TTC27: variants seen among roughly 807,000 people sequenced by gnomAD.
TTC27 encodes the protein tetratricopeptide repeat domain 27.
In TTC27, 79 loss-of-function variants were observed where a neutral mutation model predicts 115.9. That is an observed-to-expected ratio of 0.68 (90% CI 0.57 to 0.82). The LOEUF (loss-of-function observed/expected upper bound fraction) is 0.82, where lower values mean the gene tolerates loss of function less well. TTC27 is among the 40% of genes least tolerant of loss of function. TTC27 has a pLI of 0.00. For synonymous variants in TTC27, 401 were observed against 356.0 expected (o/e 1.13, Z -1.42); for missense variants, 1,054 against 993.1 (o/e 1.06, Z -0.82).
intron 4 of TTC27, among the ~76,000 whole-genome samples, chr2:32,647,639 G>T (rs1664917607): frequency 6.6e-6 from 1 of 152,126 alleles, no homozygotes; most frequent in African/African-American, 2.4e-5. Flanking sequence ...AGTTTAGAAG[G>T]GAACGTCTTA....
intron 16 of TTC27, among the ~76,000 whole-genome samples, chr2:32,791,592 AT>A (rs1221820969): frequency 6.6e-6 from 1 of 152,082 alleles, no homozygotes; most frequent in African/African-American, 2.4e-5. Flanking sequence ...GGCATGTCTT[AT>A]TTTTTTCTTT....
chr2:32,674,864 G>A (rs777180561), intron 8 of TTC27, among the ~76,000 whole-genome samples: 1 of 151,908 alleles, frequency 6.6e-6, no homozygotes, highest in Non-Finnish European at 1.5e-5. Context: ...GGGTTTCACT[G>A]TGTTAGCCAG....
intron 16 of TTC27, among the ~76,000 whole-genome samples, chr2:32,810,114 C>A (rs370447699): frequency 1.6e-3 from 213 of 130,352 alleles, no homozygotes; most frequent in Admixed American, 2.1e-3. Context: ...GACTCTGTCT[C>A]AAAAAAAAAA....
intron 16 of TTC27, among the ~76,000 whole-genome samples, chr2:32,807,634 G>T (rs1489223709): frequency 1.3e-5 from 2 of 152,064 alleles, no homozygotes; most frequent in Non-Finnish European, 2.9e-5. Context: ...ATTATGGGGG[G>T]TTTCTCTTCA....
chr2:32,752,063 TG>T (rs1669037091), intron 12 of TTC27, among the ~76,000 whole-genome samples: 1 of 152,246 alleles, frequency 6.6e-6, no homozygotes, highest in Non-Finnish European at 1.5e-5. Context: ...GTGGCCATGC[TG>T]ATTGCAAATA....
chr2:32,745,701 A>G (rs1200940455), intron 12 of TTC27, among the ~76,000 whole-genome samples: 1 of 152,160 alleles, frequency 6.6e-6, no homozygotes, highest in Non-Finnish European at 1.5e-5. Context: ...AAATATTTTA[A>G]GGATACTTCA....
intron 13 of TTC27, among the ~76,000 whole-genome samples, chr2:32,764,916 G>T (rs1387593518): frequency 6.6e-6 from 1 of 152,082 alleles, no homozygotes; most frequent in African/African-American, 2.4e-5. Flanking sequence ...ACATCTTCAG[G>T]CTCCCTTCTA....
At position 32,702,925 on chromosome 2, in the gene TTC27, G is replaced by C. The variant is rs752062069; in HGVS notation, c.1233+5G>C. ...CGGGCAATGAGGCAGACACAGGTAA[G>C]AATTAATGTGGCAATTTGTGTGCTT... On this transcript the variant is annotated splice_donor_5th_base_variant and intron_variant, in intron 10 of 19. Coordinates refer to ENST00000317907, the MANE Select transcript of TTC27 (RefSeq NM_017735.5). 6.2e-7 allele frequency: 1 copy of C among 1,604,622 alleles called. No homozygotes were observed. Among genetic ancestry groups the C allele is most frequent in the East Asian group, 2.2e-5 (1 of 44,818 alleles).
rs1553311553 is a variant in TTC27 at position 32,723,724 on chromosome 2, C to CCTTCCTTCCT, written c.1234-10104_1234-10103insCTTCCTTCCT. Among the ~76,000 whole-genome samples, 16 of 25,098 alleles carry CCTTCCTTCCT rather than the reference C, an allele frequency of 6.4e-4. 1 individual carries two copies. The highest frequency in any genetic ancestry group is 1.7e-3 in the African/African-American group (8 of 4,630). The allele number at this position is 25,098 out of a possible 152,430, so 16.5% of individuals were successfully genotyped here. A position where few individuals can be genotyped will look rare whatever the true frequency, so the allele number is the denominator to read the frequency against. The stretch of plus-strand genomic sequence containing the variant: ...CCTCCCTCCCTCCCTCCCTCCCTCC[C>CCTTCCTTCCT]TCCCTCCTTCCTTCCTTCCTTCCTT... On this transcript the variant is annotated intron_variant, in intron 10 of 19. Transcript: ENST00000317907.
intron 13 of TTC27, among the ~76,000 whole-genome samples, chr2:32,764,636 ATGCCAGATTTC>A (rs947928564): frequency 2.6e-5 from 4 of 152,182 alleles, no homozygotes; most frequent in African/African-American, 9.6e-5. Context: ...TCTTCCTTTC[ATGCCAGATTTC>A]TCTGTAGCAT....
At chr2:32,819,268 A>G (rs1487581322) in intron 19 of TTC27, among the ~76,000 whole-genome samples, 1 of 152,220 alleles carries the variant, frequency 6.6e-6, no homozygotes, top group African/African-American at 2.4e-5. Context: ...AGATTCCCAC[A>G]TAATGAAAAT....
chr2:32,817,202 T>C (rs553050117), intron 18 of TTC27, among the ~76,000 whole-genome samples: 1 of 151,388 alleles, frequency 6.6e-6, no homozygotes, highest in Non-Finnish European at 1.5e-5. Context: ...TTCAAGGCTG[T>C]ATGCCACACC....
At chr2:32,767,726 G>A (rs1312774183) in intron 13 of TTC27, among the ~76,000 whole-genome samples, 1 of 151,986 alleles carries the variant, frequency 6.6e-6, no homozygotes, top group African/African-American at 2.4e-5. Flanking sequence ...CTCCCAAAGT[G>A]CTGGGATTAC....
intron 10 of TTC27, among the ~76,000 whole-genome samples, chr2:32,717,852 A>G (rs1227801761): frequency 6.6e-6 from 1 of 152,114 alleles, no homozygotes; most frequent in Non-Finnish European, 1.5e-5. Flanking sequence ...GGATGTATCT[A>G]AATTTGACCA....
intron 14 of TTC27, 23 bp from the exon 15 acceptor site, chr2:32,782,603 A>G (rs371072454): frequency 2.4e-5 from 38 of 1,606,692 alleles, no homozygotes; most frequent in Non-Finnish European, 3.2e-5. Flanking sequence ...AGAGTTAATT[A>G]ACTGTGTTCT....
chr2:32,727,180 C>A (rs1668139431), intron 10 of TTC27, among the ~76,000 whole-genome samples: 1 of 152,176 alleles, frequency 6.6e-6, no homozygotes, highest in African/African-American at 2.4e-5. Context: ...CAACTATGAA[C>A]TTCATAGCTT....
intron 12 of TTC27, among the ~76,000 whole-genome samples, chr2:32,755,951 C>T (rs1403410581): frequency 2.0e-5 from 3 of 152,190 alleles, no homozygotes; most frequent in African/African-American, 7.2e-5. Flanking sequence ...TGTTACTACA[C>T]ATGATAACTT....
At chr2:32,809,639 C>G (rs1048488042) in intron 16 of TTC27, among the ~76,000 whole-genome samples, 4 of 152,182 alleles carry the variant, frequency 2.6e-5, no homozygotes, top group African/African-American at 4.8e-5. Flanking sequence ...CTTTTGCTGT[C>G]CCACCATCAA....
At chr2:32,689,440 C>A (rs1042855151) in intron 9 of TTC27, among the ~76,000 whole-genome samples, 1 of 152,092 alleles carries the variant, frequency 6.6e-6, no homozygotes, top group African/African-American at 2.4e-5. Flanking sequence ...AGAAGTACAA[C>A]ACAAACTATT....
Sources: allele counts gnomAD v4.1 joint callset (sites outside exome capture counted in the v4.1 genomes callset), GRCh38; gene constraint gnomAD v4.1.1; transcripts MANE v1.5; gene names NCBI Gene and HGNC (gene_info 2026-07-23, HGNC 2026-07-21).